PLEKHG5: variants seen among roughly 807,000 people sequenced by gnomAD.
PLEKHG5 encodes the protein pleckstrin homology domain-containing family G member 5.
Under a neutral mutation model 103.8 loss-of-function variants are expected in PLEKHG5, and 52 were observed. The ratio of observed to expected loss-of-function variants is 0.50; its 90% CI spans 0.40 to 0.63. The LOEUF is 0.63. Ranked by LOEUF, PLEKHG5 falls within the 30% of genes least tolerant of loss-of-function variation. PLEKHG5 has a pLI of 0.00. For synonymous variants in PLEKHG5, 592 were observed against 575.5 expected (o/e 1.03, Z -0.41); for missense variants, 1,205 against 1,347.6 (o/e 0.89, Z 1.66).
chr1:6,467,748 G>T, intron 20 of PLEKHG5, 77 bp downstream of exon 20: 1 of 1,559,556 alleles, frequency 6.4e-7, no homozygotes, highest in Non-Finnish European at 8.8e-7. Context: ...CTCCCCAAAT[G>T]CGATGCTCCC....
chr1:6,485,981 C>CA (rs1553177771), intron 1 of PLEKHG5: 16 of 832,472 alleles, frequency 1.9e-5, no homozygotes, highest in Non-Finnish European at 2.3e-5. Flanking sequence ...GGTGACACCC[C>CA]CCCCCACCTT....
In PLEKHG5 at chr1:6,467,275, G is replaced by T; in HGVS notation, c.*288C>A. The stretch of plus-strand genomic sequence containing the variant: ...TGGAGGCCAGTGAGGGTAGAAGTAG[G>T]ATGGGCAGCCTAGGAGCCCAGCCCT... On this transcript the variant is annotated 3_prime_UTR_variant, in exon 21 of 21. Transcript: ENST00000377728. The T allele has an allele frequency of 3.5e-6, 2 of 573,068 alleles. No individual in the cohort carries two copies. Among genetic ancestry groups the T allele is most frequent in the Non-Finnish European group, 6.3e-6 (2 of 315,796 alleles). The allele number at this position is 573,068 out of a possible 1,614,324, so 35.5% of individuals were successfully genotyped here.
chr1:6,493,581 C>G (rs1430768088), upstream of PLEKHG5, among the ~76,000 whole-genome samples: 1 of 152,194 alleles, frequency 6.6e-6, no homozygotes, highest in Non-Finnish European at 1.5e-5. Context: ...AGAAGCTTCA[C>G]TGAGACAAGC....
chr1:6,514,846 T>G (rs112375596), intron 1 of PLEKHG5, among the ~76,000 whole-genome samples: 1 of 150,242 alleles, frequency 6.7e-6, no homozygotes, highest in Non-Finnish European at 1.5e-5. Flanking sequence ...GGCAGGTAGA[T>G]CACCTTAGGT....
chr1:6,470,962 C>A (rs539755015), intron 13 of PLEKHG5, 28 bp downstream of exon 13: 6 of 1,569,402 alleles, frequency 3.8e-6, no homozygotes, highest in Non-Finnish European at 5.2e-6. Context: ...TCCTCCTGCG[C>A]CCCCGCCCAC....
upstream of PLEKHG5, among the ~76,000 whole-genome samples, chr1:6,493,214 G>T (rs1016428174): frequency 7.9e-5 from 12 of 152,156 alleles, no homozygotes; most frequent in Non-Finnish European, 1.5e-4. Flanking sequence ...AGGGCAGCCT[G>T]GGGGGAAGTT....
intron 6 of PLEKHG5, 51 bp downstream of exon 6, chr1:6,474,400 A>G (rs1464996655): frequency 1.2e-6 from 2 of 1,608,468 alleles, no homozygotes; most frequent in South Asian, 2.2e-5. Flanking sequence ...GCCCATCTCC[A>G]GGAGGCTCCG....
Position 6,491,601 on chromosome 1 carries a change from C to T in PLEKHG5, c.-88+36G>A, listed in dbSNP as rs1645152181. On this transcript the variant is annotated intron_variant, in intron 1 of 20. Coordinates refer to ENST00000377728, the MANE Select transcript of PLEKHG5 (RefSeq NM_020631.6). The surrounding 1 kb of genome is among the most constrained non-coding windows in gnomAD (Gnocchi z 4.1). ...CCGCTGCTCACCCCCAAAGCATTGC[C>T]CAGGAGAATAGGTGATTGCCTCTCC... 8 of 964,354 alleles carry T rather than the reference C, an allele frequency of 8.3e-6. No homozygotes were observed. Among genetic ancestry groups the T allele is most frequent in the Middle Eastern group, 5.3e-4 (1 of 1,894 alleles). The allele number at this position is 964,354 out of a possible 1,614,324, so 59.7% of individuals were successfully genotyped here.
upstream of PLEKHG5, chr1:6,497,484 G>A: frequency 5.2e-6 from 1 of 192,814 alleles, no homozygotes; most frequent in Non-Finnish European, 9.5e-6. This position sits in a 1 kb window ranked among gnomAD's most constrained non-coding sequence, Gnocchi z 6.1. Flanking sequence ...TCGGGGGCGG[G>A]GGGCGGGGGG....
At position 6,474,603 on chromosome 1, in the gene PLEKHG5, G is replaced by A. The variant is rs2148591484; in HGVS notation, c.303-16C>T. 3.1e-6 allele frequency: 5 copies of A among 1,613,060 alleles called. No individual in the cohort carries two copies. Among genetic ancestry groups the A allele is most frequent in the Non-Finnish European group, 4.2e-6 (5 of 1,179,874 alleles). The stretch of plus-strand genomic sequence containing the variant: ...CAGCACCTCCCTGCCCCCAGGACAG[G>A]AGGCATGTGTGTTAGAACCAGGCGG... On this transcript the variant is annotated splice_polypyrimidine_tract_variant and intron_variant, in intron 5 of 20. Transcript: ENST00000377728.
chr1:6,472,677 C>G, intron 9 of PLEKHG5, 55 bp from the exon 10 acceptor site: 1 of 1,344,236 alleles, frequency 7.4e-7, no homozygotes. Flanking sequence ...TTAGGGTGGC[C>G]GGGGAGGATA....
intron 1 of PLEKHG5, among the ~76,000 whole-genome samples, chr1:6,516,767 G>GTATATA (rs35179738): frequency 6.8e-6 from 1 of 146,520 alleles, no homozygotes. Context: ...ATATATATGT[G>GTATATA]TATATATATG....
In PLEKHG5 at chr1:6,469,411, G is replaced by A. The variant is rs1439776156; in HGVS notation, c.1973C>T (p.Ala658Val). The A allele has an allele frequency of 6.2e-7, 1 of 1,614,128 alleles. No homozygotes were observed. Among genetic ancestry groups the A allele is most frequent in the East Asian group, 2.2e-5 (1 of 44,886 alleles). The change falls in exon 18 of 21, where the codon GCT becomes GTT. Residue 658 changes from alanine to valine, a missense_variant. Coordinates refer to ENST00000377728, the MANE Select transcript of PLEKHG5 (RefSeq NM_020631.6). ...GGCCTGGAACGTGTAGGCCCCTACA[G>A]CACTGTGAAACTCATTCAGGTAGAT... is the stretch of plus-strand genomic sequence containing the variant. ...LLIYLNEFHS[A>V]VGAYTFQASG...
At chr1:6,485,981 C>CCA (rs1219531764) in intron 1 of PLEKHG5, 2 of 832,470 alleles carry the variant, frequency 2.4e-6, no homozygotes, top group African/African-American at 3.7e-5. Flanking sequence ...GGTGACACCC[C>CCA]CCCCCACCTT....
intron 1 of PLEKHG5, among the ~76,000 whole-genome samples, chr1:6,488,961 G>T (rs992189405): frequency 1.3e-5 from 2 of 152,104 alleles, no homozygotes. Flanking sequence ...GGGAAACCAG[G>T]GATCCCCCAG....
At chr1:6,474,870 C>T in intron 5 of PLEKHG5, 177 bp downstream of exon 5, 1 of 719,760 alleles carries the variant, frequency 1.4e-6, no homozygotes, top group Admixed American at 1.9e-5. Context: ...ACACAGACCC[C>T]ACCGCACTCC....
At chr1:6,474,762 G>T in intron 5 of PLEKHG5, 175 bp from the exon 6 acceptor site, 2 of 706,244 alleles carry the variant, frequency 2.8e-6, no homozygotes, top group Non-Finnish European at 5.0e-6. Flanking sequence ...TGCCCGCAGA[G>T]GTGCTCACAC....
intron 1 of PLEKHG5, among the ~76,000 whole-genome samples, chr1:6,485,126 C>G (rs1384772579): frequency 6.6e-6 from 1 of 152,170 alleles, no homozygotes. Context: ...GGGGACACAC[C>G]CCGGAGTCCG....
At chr1:6,475,202 C>CCCCACCCTCCTCCCCACCCTCCTT in intron 4 of PLEKHG5, 64 bp from the exon 5 acceptor site, 1 of 707,552 alleles carries the variant, frequency 1.4e-6, no homozygotes. Context: ...CCGCCCTCCT[C>CCCCACCCTCCTCCCCACCCTCCTT]CCCACCCTCC....
Sources: allele counts gnomAD v4.1 joint callset (sites outside exome capture counted in the v4.1 genomes callset), GRCh38; gene constraint gnomAD v4.1.1; non-coding constraint Gnocchi (gnomAD v3.1); transcripts MANE v1.5; gene names NCBI Gene and HGNC (gene_info 2026-07-23, HGNC 2026-07-21).